Variants in C7orf78 observed in about 807,000 individuals in gnomAD.
C7orf78 encodes the protein putative uncharacterized protein C7orf78.
chr7:12,489,435 G>T, the C7orf78 span, among the ~76,000 whole-genome samples: 30 of 152,124 alleles, frequency 2.0e-4, no homozygotes, highest in African/African-American at 7.2e-4. Flanking sequence ...GCAGAATTCC[G>T]TATAGGTCTA....
chr7:12,528,949 G>A, the C7orf78 span: 2 of 398,332 alleles, frequency 5.0e-6, no homozygotes, highest in Non-Finnish European at 8.9e-6. Context: ...GACTAGTACA[G>A]AAAGATTTAT....
At chr7:12,493,292 T>G in the C7orf78 span, among the ~76,000 whole-genome samples, 3 of 152,190 alleles carry the variant, frequency 2.0e-5, no homozygotes, top group African/African-American at 7.2e-5. Flanking sequence ...TAAAGTAGAT[T>G]AAAAGTTGCT....
the C7orf78 span, among the ~76,000 whole-genome samples, chr7:12,516,340 G>C: frequency 1.3e-5 from 2 of 152,202 alleles, no homozygotes; most frequent in African/African-American, 2.4e-5. Context: ...ACTGGGGTTT[G>C]GGAACCTCCA....
At chr7:12,501,082 A>T in the C7orf78 span, among the ~76,000 whole-genome samples, 1 of 149,614 alleles carries the variant, frequency 6.7e-6, no homozygotes, top group Non-Finnish European at 1.5e-5. Flanking sequence ...GACATATTTC[A>T]AAATAATAAG....
chr7:12,507,025 C>T, the C7orf78 span: 5 of 435,980 alleles, frequency 1.1e-5, no homozygotes, highest in East Asian at 7.2e-5. Context: ...AGAAAAGGGC[C>T]GGGCGCGGTG....
chr7:12,508,184 G>A, the C7orf78 span, among the ~76,000 whole-genome samples: 17 of 152,076 alleles, frequency 1.1e-4, no homozygotes, highest in African/African-American at 3.6e-4. Context: ...CAGGGCATTC[G>A]GTAAAGTCTT....
chr7:12,488,523 C>A, the C7orf78 span, among the ~76,000 whole-genome samples: 1 of 151,858 alleles, frequency 6.6e-6, no homozygotes, highest in East Asian at 1.9e-4. Flanking sequence ...TATAGGGAGC[C>A]AAATGAGAGC....
At chr7:12,498,645 G>C in the C7orf78 span, among the ~76,000 whole-genome samples, 2 of 152,186 alleles carry the variant, frequency 1.3e-5, no homozygotes, top group East Asian at 1.9e-4. Context: ...ATGGAACCGA[G>C]TTGGAAAACA....
chr7:12,525,774 AAC>A, the C7orf78 span: 1 of 395,812 alleles, frequency 2.5e-6, no homozygotes, highest in Non-Finnish European at 4.5e-6. Context: ...TACAATGAGA[AAC>A]AATATGTATT....
chr7:12,497,578 G>A, the C7orf78 span, among the ~76,000 whole-genome samples: 2 of 152,152 alleles, frequency 1.3e-5, no homozygotes, highest in African/African-American at 4.8e-5. Flanking sequence ...CGGCTCGGAG[G>A]GTCCTACCCC....
At chr7:12,529,780 A>C in the C7orf78 span, among the ~76,000 whole-genome samples, 1 of 152,226 alleles carries the variant, frequency 6.6e-6, no homozygotes, top group Non-Finnish European at 1.5e-5. Flanking sequence ...TTCACCCAAG[A>C]AAGAATTCAA....
At chr7:12,504,259 C>G in the C7orf78 span, 2 of 152,102 alleles carry the variant, frequency 1.3e-5, no homozygotes, top group Non-Finnish European at 2.9e-5. Flanking sequence ...TGTTGTTGTG[C>G]TGATTTTCAA....
At chr7:12,494,463 A>G in the C7orf78 span, among the ~76,000 whole-genome samples, 1 of 152,220 alleles carries the variant, frequency 6.6e-6, no homozygotes, top group Admixed American at 6.5e-5. Flanking sequence ...GCTCCTTAGA[A>G]AAAAGGGAGA....
chr7:12,505,760 A>G, the C7orf78 span, among the ~76,000 whole-genome samples: 3 of 152,144 alleles, frequency 2.0e-5, no homozygotes, highest in Non-Finnish European at 4.4e-5. Context: ...TCCATGTAAA[A>G]GGAAAACTAT....
the C7orf78 span, among the ~76,000 whole-genome samples, chr7:12,524,842 T>G: frequency 6.6e-6 from 1 of 151,800 alleles, no homozygotes; most frequent in Admixed American, 6.6e-5. Context: ...AATAAATAAA[T>G]AAATAAATAT....
At chr7:12,518,982 C>T in the C7orf78 span, among the ~76,000 whole-genome samples, 1 of 152,030 alleles carries the variant, frequency 6.6e-6, no homozygotes, top group Non-Finnish European at 1.5e-5. Context: ...GTACAGAACC[C>T]GTGCTGCTGG....
the C7orf78 span, among the ~76,000 whole-genome samples, chr7:12,516,460 T>G: frequency 9.2e-5 from 14 of 152,208 alleles, no homozygotes; most frequent in Admixed American, 6.5e-5. Flanking sequence ...AAGGGTAATG[T>G]GCTGTGGGAG....
chr7:12,494,564 G>C, the C7orf78 span, among the ~76,000 whole-genome samples: 16 of 152,128 alleles, frequency 1.1e-4, no homozygotes, highest in African/African-American at 3.9e-4. Context: ...TTTATTATAG[G>C]CACAATATGA....
chr7:12,509,972 T>TGCA, the C7orf78 span, among the ~76,000 whole-genome samples: 1 of 150,626 alleles, frequency 6.6e-6, no homozygotes, highest in East Asian at 2.0e-4. Flanking sequence ...AGGCAGAGGT[T>TGCA]GCAGTGAGCT....
Sources: allele counts gnomAD v4.1 joint callset (sites outside exome capture counted in the v4.1 genomes callset), GRCh38; gene constraint gnomAD v4.1.1; transcripts MANE v1.5; gene names NCBI Gene and HGNC (gene_info 2026-07-23, HGNC 2026-07-21).